PEMT: variants seen among roughly 807,000 people sequenced by gnomAD.
The protein encoded by PEMT is phospholipid methyltransferase.
Under a neutral mutation model 27.4 loss-of-function variants are expected in PEMT, and 23 were observed. The observed-to-expected ratio is 0.84, with a 90% CI of 0.60 to 1.19. The LOEUF (loss-of-function observed/expected upper bound fraction) is 1.19, where lower values mean the gene tolerates loss of function less well. Among genes scored for constraint, PEMT ranks in the 50% most tolerant of loss-of-function variants. The pLI is 0.00. For missense variants in PEMT, 307 were observed against 310.1 expected (o/e 0.99, Z 0.07); for synonymous variants, 137 against 139.1 (o/e 0.98, Z 0.11).
At position 17,523,394 on chromosome 17, in the gene PEMT, T is replaced by C. The variant is rs1907433465; in HGVS notation, c.205-999A>G. ...GTTGCGGCAGGAGAGTGATTAGCGATGATTTCCTCAAGGCCACTGACTCCC... is the reference window on the plus strand; with the variant it reads ...GTTGCGGCAGGAGAGTGATTAGCGACGATTTCCTCAAGGCCACTGACTCCC... On this transcript the variant is annotated intron_variant, in intron 2 of 6. Transcript: ENST00000255389. This position sits in a 1 kb window ranked among gnomAD's most constrained non-coding sequence, Gnocchi z 4.8. 1.3e-5 allele frequency among the ~76,000 whole-genome samples: 2 copies of C among 152,310 alleles called. No homozygotes were observed. The highest frequency in any genetic ancestry group is 6.5e-5 in the Admixed American group (1 of 15,298).
chr17:17,537,810 C>A (rs1908591825), intron 2 of PEMT, among the ~76,000 whole-genome samples: 1 of 152,232 alleles, frequency 6.6e-6, no homozygotes, highest in Non-Finnish European at 1.5e-5. Context: ...ACAGTGCCTG[C>A]TGCAGGGCCC....
At chr17:17,515,094 G>A (rs1906721243) in intron 3 of PEMT, among the ~76,000 whole-genome samples, 1 of 152,166 alleles carries the variant, frequency 6.6e-6, no homozygotes, top group South Asian at 2.1e-4. Flanking sequence ...GGCCAGGCCC[G>A]AGACGCTGGA....
intron 3 of PEMT, among the ~76,000 whole-genome samples, chr17:17,520,370 TG>T (rs1397655145): frequency 1.3e-5 from 2 of 152,206 alleles, no homozygotes; most frequent in African/African-American, 4.8e-5. Context: ...CTGGCCTAAA[TG>T]GATGGAATCT....
chr17:17,542,404 G>T (rs1209166276), intron 2 of PEMT, among the ~76,000 whole-genome samples: 1 of 152,210 alleles, frequency 6.6e-6, no homozygotes, highest in Admixed American at 6.5e-5. Context: ...GGGATAGAGG[G>T]TGCTTGCTCA....
chr17:17,567,212 C>T (rs11658311), intron 2 of PEMT, among the ~76,000 whole-genome samples: 17,287 of 152,210 alleles, frequency 0.11, 1,641 homozygotes, highest in African/African-American at 0.26. Context: ...GGTGGGAGTG[C>T]GCTCCCTCTC....
chr17:17,519,604 C>A lies in PEMT; in HGVS notation c.320+2676G>T, dbSNP rs74409119. On this transcript the variant is annotated intron_variant, in intron 3 of 6. Coordinates refer to ENST00000255389, the MANE Select transcript of PEMT (RefSeq NM_148172.3). ...TGGTCTCCTAGGTACACACAGCACTCGGCTGGGGCCTGGAGGAGGAAGGAT... is the reference window on the plus strand; with the variant it reads ...TGGTCTCCTAGGTACACACAGCACTAGGCTGGGGCCTGGAGGAGGAAGGAT... Among the ~76,000 whole-genome samples, 1,229 of 151,854 alleles carry A rather than the reference C, an allele frequency of 8.1e-3. 12 individuals are homozygous for A. The highest frequency in any genetic ancestry group is 0.027 in the African/African-American group (1,133 of 41,392).
intron 2 of PEMT, among the ~76,000 whole-genome samples, chr17:17,539,794 T>G (rs1338924977): frequency 1.3e-5 from 2 of 152,176 alleles, no homozygotes; most frequent in Non-Finnish European, 2.9e-5. Flanking sequence ...ATCCGGCCTG[T>G]GGGACTCCAC....
chr17:17,577,417 G>T, intron 1 of PEMT: 1 of 957,154 alleles, frequency 1.0e-6, no homozygotes, highest in Non-Finnish European at 1.3e-6. Context: ...AACCTACCAG[G>T]AATCAGGTAA....
chr17:17,556,952 A>G (rs1037080902), intron 2 of PEMT, among the ~76,000 whole-genome samples: 2 of 152,200 alleles, frequency 1.3e-5, no homozygotes, highest in Non-Finnish European at 2.9e-5. Context: ...TGCAGAAAAG[A>G]GACAGAGAAG....
At chr17:17,530,950 G>C (rs1330464386) in intron 2 of PEMT, among the ~76,000 whole-genome samples, 1 of 151,894 alleles carries the variant, frequency 6.6e-6, no homozygotes, top group African/African-American at 2.4e-5. Context: ...GGCTGAGGCA[G>C]GAGAATTGCT....
intron 2 of PEMT, among the ~76,000 whole-genome samples, chr17:17,553,639 C>G (rs1597924094): frequency 2.0e-5 from 3 of 152,224 alleles, no homozygotes; most frequent in Admixed American, 6.5e-5. Context: ...GACCCAGCAC[C>G]CCCTGCTCAG....
intron 2 of PEMT, among the ~76,000 whole-genome samples, chr17:17,560,116 G>A (rs902640243): frequency 1.3e-5 from 2 of 152,232 alleles, no homozygotes; most frequent in Non-Finnish European, 2.9e-5. Flanking sequence ...AGCACCCCAT[G>A]TGCTGTACAC....
intron 2 of PEMT, among the ~76,000 whole-genome samples, chr17:17,533,393 AT>A (rs1339327173): frequency 1.3e-5 from 2 of 152,242 alleles, no homozygotes; most frequent in Non-Finnish European, 1.5e-5. Flanking sequence ...AGAAGAAAAC[AT>A]AGGTATAAAT....
At chr17:17,558,954 C>T (rs776650693) in intron 2 of PEMT, among the ~76,000 whole-genome samples, 2 of 152,194 alleles carry the variant, frequency 1.3e-5, no homozygotes, top group African/African-American at 4.8e-5. Flanking sequence ...ATCAGCAAGT[C>T]CTTCACCATT....
At chr17:17,511,685 G>A (rs370098975) in intron 4 of PEMT, among the ~76,000 whole-genome samples, 3 of 152,330 alleles carry the variant, frequency 2.0e-5, no homozygotes, top group South Asian at 2.1e-4. Flanking sequence ...GACGGAGAGC[G>A]GGCAATGCGG....
chr17:17,524,526 G>A lies in PEMT; in HGVS notation c.205-2131C>T, dbSNP rs907538664. Reference sequence around the variant, plus strand: ...CACCTCTAATCCCAGCACTTCGGGAGGCTGAGGTGAGAGAATTGCTTGAGC... The same window carrying A: ...CACCTCTAATCCCAGCACTTCGGGAAGCTGAGGTGAGAGAATTGCTTGAGC... On this transcript the variant is annotated intron_variant, in intron 2 of 6. Transcript: ENST00000255389. Among the ~76,000 whole-genome samples the A allele has an allele frequency of 2.0e-5, 3 of 151,742 alleles. No individual in the cohort carries two copies. In the South Asian group the frequency reaches 6.2e-4, roughly 32 times the overall value.
In PEMT at chr17:17,507,321, G is replaced by A. The variant is rs868488191; in HGVS notation, c.579-1020C>T. 3.9e-6 allele frequency: 3 copies of A among 773,028 alleles called. No individual in the cohort carries two copies. In the Middle Eastern group the frequency reaches 9.0e-4, roughly 232 times the overall value. 47.9% of individuals were successfully genotyped at this position (773,028 alleles called of 1,614,324 possible). On this transcript the variant is annotated intron_variant, in intron 5 of 6. Coordinates refer to ENST00000255389, the MANE Select transcript of PEMT (RefSeq NM_148172.3). ...GCCAGGGGCTGTGCCCTCCTTGGCTGCCCCTGTGCCAAGCTGCCCCCTCCC... is the reference window on the plus strand; with the variant it reads ...GCCAGGGGCTGTGCCCTCCTTGGCTACCCCTGTGCCAAGCTGCCCCCTCCC...
rs553169394 is a variant in PEMT, at chr17:17,530,538, C to T, written c.205-8143G>A. On this transcript the variant is annotated intron_variant, in intron 2 of 6. Coordinates refer to ENST00000255389, the MANE Select transcript of PEMT (RefSeq NM_148172.3). ...AAAGGAACTACTAGAAATCCAAAAACTCAATCAATAAACCTGGTAAAAACA... is the reference window on the plus strand; with the variant it reads ...AAAGGAACTACTAGAAATCCAAAAATTCAATCAATAAACCTGGTAAAAACA... Among the ~76,000 whole-genome samples the T allele has an allele frequency of 2.6e-5, 4 of 152,166 alleles. No homozygotes were observed. In the East Asian group the frequency reaches 5.8e-4, roughly 22 times the overall value.
At chr17:17,538,545 ACT>A (rs936501188) in intron 2 of PEMT, among the ~76,000 whole-genome samples, 2 of 147,848 alleles carry the variant, frequency 1.4e-5, no homozygotes, top group Non-Finnish European at 3.0e-5. Context: ...GCAGAACAAG[ACT>A]CTGTCTCCAA....
Sources: allele counts gnomAD v4.1 joint callset (sites outside exome capture counted in the v4.1 genomes callset), GRCh38; gene constraint gnomAD v4.1.1; non-coding constraint Gnocchi (gnomAD v3.1); transcripts MANE v1.5; gene names NCBI Gene and HGNC (gene_info 2026-07-23, HGNC 2026-07-21).